Variants in KCNG2 observed in about 807,000 individuals in gnomAD.
The protein encoded by KCNG2 is potassium voltage-gated channel modifier subfamily G member 2.
KCNG2 carries 7 observed loss-of-function variants against 12.3 expected under a neutral mutation model. The observed-to-expected ratio is 0.57, with a 90% CI of 0.32 to 1.07. The LOEUF (loss-of-function observed/expected upper bound fraction) is 1.07, where lower values mean the gene tolerates loss of function less well. Among genes scored for constraint, KCNG2 ranks in the 50% least tolerant of loss-of-function variants. The pLI, the probability that KCNG2 is intolerant of heterozygous loss-of-function variation, is 0.04. For missense variants in KCNG2, 703 were observed against 726.0 expected (o/e 0.97, Z 0.36); for synonymous variants, 414 against 351.4 (o/e 1.18, Z -1.99).
intron 1 of KCNG2, among the ~76,000 whole-genome samples, chr18:79,829,832 G>A (rs1275506058): frequency 2.0e-5 from 3 of 152,182 alleles, no homozygotes; most frequent in Non-Finnish European, 2.9e-5. Context: ...CCAGGTCATC[G>A]TTCTTACATT....
chr18:79,813,379 A>G (rs1306468822), intron 1 of KCNG2, among the ~76,000 whole-genome samples: 1 of 152,238 alleles, frequency 6.6e-6, no homozygotes, highest in Admixed American at 6.5e-5. Context: ...ATACAATCAT[A>G]TTAATTGATG....
intron 3 of KCNG2, among the ~76,000 whole-genome samples, chr18:79,877,936 C>G (rs147829853): frequency 1.4e-3 from 220 of 152,352 alleles, no homozygotes; most frequent in African/African-American, 4.4e-3. Context: ...CCTTGCCCAC[C>G]GGGCTGCATG....
chr18:79,896,155 A>T lies in KCNG2; in HGVS notation c.625-2885A>T, dbSNP rs563121904. On this transcript the variant is annotated intron_variant, in intron 3 of 3. Coordinates refer to ENST00000316249, the MANE Select transcript of KCNG2 (RefSeq NM_012283.2). The stretch of plus-strand genomic sequence containing the variant: ...TAATTTTTGTATTTTTAGTAGAGAC[A>T]GGGTTTTGCCGTGTTGGCCAGGCTG... 3.9e-5 allele frequency among the ~76,000 whole-genome samples: 6 copies of T among 152,110 alleles called. No individual in the cohort carries two copies. The South Asian group carries it at 1.2e-3, about 32-fold the overall frequency.
At chr18:79,818,884 G>T (rs950079165) in intron 1 of KCNG2, among the ~76,000 whole-genome samples, 1 of 152,180 alleles carries the variant, frequency 6.6e-6, no homozygotes, top group Non-Finnish European at 1.5e-5. Context: ...CAGCCATGAA[G>T]AGCCGAAGGT....
intron 1 of KCNG2, among the ~76,000 whole-genome samples, chr18:79,847,665 TATTG>T (rs1414569567): frequency 6.6e-6 from 1 of 152,222 alleles, no homozygotes; most frequent in Non-Finnish European, 1.5e-5. Context: ...GACTTCTCCT[TATTG>T]ATTACATTTG....
intron 2 of KCNG2, among the ~76,000 whole-genome samples, chr18:79,860,663 ATGTGTG>A (rs60081220): frequency 2.0e-5 from 3 of 151,580 alleles, no homozygotes; most frequent in Non-Finnish European, 2.9e-5. Flanking sequence ...TCTCATAGTG[ATGTGTG>A]TGTGTGTGTG....
intron 3 of KCNG2, among the ~76,000 whole-genome samples, chr18:79,870,323 T>C (rs982694113): frequency 3.9e-5 from 6 of 152,142 alleles, no homozygotes; most frequent in Non-Finnish European, 2.9e-5. Context: ...GGCTTGATGA[T>C]TGCAATGACG....
At chr18:79,848,793 AGGCCGC>A (rs962013637) in intron 1 of KCNG2, among the ~76,000 whole-genome samples, 8 of 152,126 alleles carry the variant, frequency 5.3e-5, no homozygotes, top group Non-Finnish European at 1.0e-4. Context: ...CGTTCCCCAG[AGGCCGC>A]GGCATTCCCG....
At chr18:79,825,701 G>A (rs2126083) in intron 1 of KCNG2, among the ~76,000 whole-genome samples, 14,057 of 152,262 alleles carry the variant, frequency 0.092, 1,050 homozygotes, top group South Asian at 0.29. Flanking sequence ...TAGGGCTTCA[G>A]TTTCTTTCTG....
intron 1 of KCNG2, among the ~76,000 whole-genome samples, chr18:79,843,733 A>G (rs1978535636): frequency 6.6e-6 from 1 of 152,216 alleles, no homozygotes. Context: ...ATAGATACAC[A>G]AAAGAGAAAG....
chr18:79,801,923 A>C (rs2087412678), intron 1 of KCNG2, among the ~76,000 whole-genome samples: 1 of 152,158 alleles, frequency 6.6e-6, no homozygotes, highest in South Asian at 2.1e-4. Flanking sequence ...GGTTAATGGG[A>C]AGCCACTTAG....
intron 3 of KCNG2, among the ~76,000 whole-genome samples, chr18:79,880,316 CA>C (rs59558361): frequency 0.075 from 7,543 of 101,246 alleles, 137 homozygotes; most frequent in East Asian, 0.15. Context: ...GACTCTGTCT[CA>C]AAAAAAAAAA....
chr18:79,818,370 G>A (rs1409443872), intron 1 of KCNG2, among the ~76,000 whole-genome samples: 4 of 152,232 alleles, frequency 2.6e-5, no homozygotes, highest in African/African-American at 4.8e-5. Context: ...TGGCCAGCCC[G>A]CGAGAGATGC....
At chr18:79,867,691 G>T (rs1430528269) in intron 3 of KCNG2, among the ~76,000 whole-genome samples, 1 of 152,066 alleles carries the variant, frequency 6.6e-6, no homozygotes, top group Non-Finnish European at 1.5e-5. Flanking sequence ...GTCTGAATGG[G>T]CATAGCTGAG....
intron 1 of KCNG2, among the ~76,000 whole-genome samples, chr18:79,810,421 T>C (rs1599364826): frequency 6.6e-6 from 1 of 152,112 alleles, no homozygotes; most frequent in Admixed American, 6.5e-5. Context: ...CCATCTCATG[T>C]CAAATACTGA....
chr18:79,824,333 G>C (rs1266074195), intron 1 of KCNG2, among the ~76,000 whole-genome samples: 4 of 152,196 alleles, frequency 2.6e-5, no homozygotes. Context: ...GTTCTTTGTT[G>C]TTTGTGTATA....
intron 1 of KCNG2, among the ~76,000 whole-genome samples, chr18:79,820,036 G>A (rs188864400): frequency 1.7e-3 from 264 of 152,320 alleles, no homozygotes; most frequent in Non-Finnish European, 3.0e-3. Flanking sequence ...TTCCTTCTCC[G>A]AAGGAGGTGC....
intron 3 of KCNG2, among the ~76,000 whole-genome samples, chr18:79,876,553 T>G (rs1266520813): frequency 6.6e-6 from 1 of 152,204 alleles, no homozygotes; most frequent in Non-Finnish European, 1.5e-5. Flanking sequence ...CTTGGAACGA[T>G]TCTGTCCCGG....
chr18:79,898,727 G>A (rs1171790980), intron 3 of KCNG2, among the ~76,000 whole-genome samples: 2 of 152,242 alleles, frequency 1.3e-5, no homozygotes, highest in Admixed American at 1.3e-4. Context: ...ATGTTTCTTC[G>A]TTTGCTGTTT....
Sources: gnomAD v4.1 joint callset for allele counts (sites outside exome capture counted in the v4.1 genomes callset) on GRCh38, gnomAD v4.1.1 for gene constraint, MANE v1.5 for transcripts, NCBI Gene and HGNC (gene_info 2026-07-23, HGNC 2026-07-21) for gene names.